The following CALN1 variants were observed in gnomAD, a reference collection of about 807,000 sequenced individuals.
The protein encoded by CALN1 is calneuron 1.
CALN1 carries 17 observed loss-of-function variants against 30.6 expected under a neutral mutation model. That is an observed-to-expected ratio of 0.56 (90% CI 0.38 to 0.83). The LOEUF (loss-of-function observed/expected upper bound fraction) is 0.83, where lower values mean the gene tolerates loss of function less well. CALN1 is among the 40% of genes least tolerant of loss of function. The pLI, the probability that CALN1 is intolerant of heterozygous loss-of-function variation, is 0.00. For missense variants in CALN1, 291 were observed against 354.9 expected (o/e 0.82, Z 1.45); for synonymous variants, 156 against 131.4 (o/e 1.19, Z -1.28).
the CALN1 span, among the ~76,000 whole-genome samples, chr7:72,479,116 G>A: frequency 6.6e-6 from 1 of 152,002 alleles, no homozygotes. Context: ...TCCTGACCTC[G>A]TGATCCGCCC....
At chr7:72,294,228 G>A (rs1798690169) in intron 2 of CALN1, among the ~76,000 whole-genome samples, 1 of 152,090 alleles carries the variant, frequency 6.6e-6, no homozygotes, top group Admixed American at 6.6e-5. Context: ...AATAAGTAGA[G>A]AAGTTTATGA....
intron 2 of CALN1, among the ~76,000 whole-genome samples, chr7:72,316,632 A>AT (rs1019923411): frequency 2.4e-4 from 37 of 152,200 alleles, no homozygotes; most frequent in African/African-American, 8.2e-4. Context: ...CCTTTTACTT[A>AT]TGCACTTAAA....
chr7:72,048,099 G>A (rs974412597), intron 4 of CALN1, among the ~76,000 whole-genome samples: 1 of 150,016 alleles, frequency 6.7e-6, no homozygotes, highest in African/African-American at 2.5e-5. Flanking sequence ...GAGTGCAGTG[G>A]CATGATCTTG....
At chr7:72,502,235 C>A in the CALN1 span, among the ~76,000 whole-genome samples, 2 of 149,016 alleles carry the variant, frequency 1.3e-5, no homozygotes, top group Non-Finnish European at 3.0e-5. Context: ...GCTTGTGGGG[C>A]GGGGAGGAAT....
chr7:72,154,459 T>C (rs1016702445), intron 3 of CALN1, among the ~76,000 whole-genome samples: 3 of 152,180 alleles, frequency 2.0e-5, no homozygotes, highest in African/African-American at 4.8e-5. Flanking sequence ...CTCTGGATTA[T>C]AAAAGCAGAA....
intron 3 of CALN1, among the ~76,000 whole-genome samples, chr7:72,257,087 T>C (rs1250145822): frequency 1.3e-5 from 2 of 152,140 alleles, no homozygotes; most frequent in Admixed American, 6.6e-5. Context: ...CTTACAATCA[T>C]GGCAGAAAGA....
At chr7:72,385,573 A>C (rs935342437) in intron 2 of CALN1, among the ~76,000 whole-genome samples, 5 of 152,150 alleles carry the variant, frequency 3.3e-5, no homozygotes, top group East Asian at 3.8e-4. Flanking sequence ...CTATTCAGTT[A>C]TAAAAAAGAA....
At chr7:71,980,638 T>A (rs1335882260) in intron 5 of CALN1, among the ~76,000 whole-genome samples, 1 of 152,204 alleles carries the variant, frequency 6.6e-6, no homozygotes, top group Non-Finnish European at 1.5e-5. Context: ...AAGGGCCTGC[T>A]CTGAGCACCA....
intron 4 of CALN1, among the ~76,000 whole-genome samples, chr7:72,029,674 A>G (rs191554611): frequency 2.0e-5 from 3 of 152,190 alleles, no homozygotes; most frequent in Admixed American, 2.0e-4. Context: ...AAAAATCCCT[A>G]ATGTATGAGG....
At chr7:71,795,944 G>A (rs1193531677) in intron 6 of CALN1, among the ~76,000 whole-genome samples, 9 of 148,842 alleles carry the variant, frequency 6.0e-5, no homozygotes, top group Non-Finnish European at 1.0e-4. Flanking sequence ...TCAGCCTCCC[G>A]AGTAGCTGGG....
chr7:72,441,705 G>C (rs1808351238), intron 1 of CALN1, among the ~76,000 whole-genome samples: 1 of 152,020 alleles, frequency 6.6e-6, no homozygotes, highest in Non-Finnish European at 1.5e-5. Flanking sequence ...CTTGAACAAG[G>C]AAGAAGGAAG....
chr7:72,324,559 AATTTATTTATTTATTT>A (rs10562818), intron 2 of CALN1, among the ~76,000 whole-genome samples: 21 of 129,976 alleles, frequency 1.6e-4, no homozygotes, highest in East Asian at 1.0e-3. Context: ...TAAATGATGT[AATTTATTTATTTATTT>A]ATTTATTTAT....
At chr7:72,188,557 G>A (rs191960088) in intron 3 of CALN1, among the ~76,000 whole-genome samples, 39 of 151,978 alleles carry the variant, frequency 2.6e-4, no homozygotes, top group Non-Finnish European at 2.1e-4. Context: ...GGGGGAAAGG[G>A]TGGGAGGGGG....
chr7:72,336,740 A>G (rs965845458), intron 2 of CALN1: 1 of 985,120 alleles, frequency 1.0e-6, no homozygotes. Flanking sequence ...CCGGCAGCCG[A>G]GGCGCCTCCG....
chr7:72,150,372 T>C (rs758742001), intron 3 of CALN1, among the ~76,000 whole-genome samples: 14 of 152,222 alleles, frequency 9.2e-5, no homozygotes, highest in African/African-American at 1.7e-4. Context: ...AAGGTCCCTG[T>C]TCTCCCAAAA....
rs111618124 is a variant in CALN1 at position 72,068,306 on chromosome 7, T to C, written c.388+37845A>G. Among the ~76,000 whole-genome samples, 74 of 152,350 alleles carry C rather than the reference T, an allele frequency of 4.9e-4. 1 individual carries two copies. The highest frequency in any genetic ancestry group is 1.7e-3 in the African/African-American group (72 of 41,588). On this transcript the variant is annotated intron_variant, in intron 4 of 6. Coordinates refer to ENST00000395275, the MANE Select transcript of CALN1 (RefSeq NM_031468.4). ...TCTATTCTTAATTTTAGATGAGAAA[T>C]AGATACGAGAAGGTTCTAATATTTT...
the CALN1 span, among the ~76,000 whole-genome samples, chr7:72,465,839 C>A: frequency 6.6e-6 from 1 of 152,152 alleles, no homozygotes; most frequent in African/African-American, 2.4e-5. Flanking sequence ...GAATCCCCAC[C>A]CTTCTCTCTT....
At chr7:71,934,023 C>T (rs1220281162) in intron 5 of CALN1, among the ~76,000 whole-genome samples, 1 of 152,198 alleles carries the variant, frequency 6.6e-6, no homozygotes, top group African/African-American at 2.4e-5. Flanking sequence ...TGTAGGTTCA[C>T]TCTTTACAGA....
chr7:72,240,285 C>T (rs965580593), intron 3 of CALN1, among the ~76,000 whole-genome samples: 4 of 151,662 alleles, frequency 2.6e-5, no homozygotes, highest in Non-Finnish European at 4.4e-5. Context: ...CCCTTGAATT[C>T]CTGGGCTCAA....
Sources: gnomAD v4.1 joint callset for allele counts (sites outside exome capture counted in the v4.1 genomes callset) on GRCh38, gnomAD v4.1.1 for gene constraint, MANE v1.5 for transcripts, NCBI Gene and HGNC (gene_info 2026-07-23, HGNC 2026-07-21) for gene names.